The following NOP58 variants were observed in gnomAD, a reference collection of about 807,000 sequenced individuals.
NOP58 encodes nucleolar protein 58.
Under a neutral mutation model 71.2 loss-of-function variants are expected in NOP58, and 44 were observed. The observed-to-expected ratio is 0.62, with a 90% confidence interval of 0.49 to 0.79. NOP58 has a LOEUF of 0.79. Ranked by LOEUF, NOP58 falls within the 30% of genes least tolerant of loss-of-function variation. The pLI is 0.00. For synonymous variants in NOP58, 228 were observed against 200.3 expected, an observed-to-expected ratio of 1.14 and a Z score of -1.17; for missense variants, 538 against 620.2, an observed-to-expected ratio of 0.87 and a Z score of 1.41.
chr2:202,281,540 A>T (rs1315183832), intron 3 of NOP58, among the ~76,000 whole-genome samples: 2 of 152,184 alleles, frequency 1.3e-5, no homozygotes, highest in Non-Finnish European at 2.9e-5. Flanking sequence ...CCCTGGGCTC[A>T]GGTGATTGTC....
chr2:202,302,974 A>G lies in NOP58; in HGVS notation c.1456A>G (p.Lys486Glu), dbSNP rs778723374. 5.0e-6 allele frequency: 8 copies of G among 1,611,170 alleles called. No individual in the cohort carries two copies. The highest frequency in any genetic ancestry group is 3.3e-5 in the Admixed American group (2 of 60,000). The change falls in exon 14 of 15, where the codon AAG (lysine) becomes GAG (glutamate). Residue 486 changes from lysine to glutamate, a missense_variant. By Grantham distance (56) the Lys-to-Glu change is moderately conservative (BLOSUM62 1). Transcript: ENST00000264279. ...AGAAGAAGAAGAAACATCTGTGAAG[A>G]AGAAGAAGAAAAGGGGTAAAAAGAA... The part of the protein sequence containing the change: ...VAEEEETSVK[K>E]KKKRGKKKHI...
chr2:202,295,926 A>G (rs1688980063), intron 10 of NOP58, 89 bp downstream of exon 10: 1 of 979,896 alleles, frequency 1.0e-6, no homozygotes, highest in African/African-American at 1.7e-5. Flanking sequence ...TACACATTAA[A>G]TCTTCTATTG....
Position 202,274,142 on chromosome 2 carries a change from A to G in NOP58, c.46-971A>G, listed in dbSNP as rs576847183. Reference sequence around the variant, plus strand: ...CACAATTGACGATAGTTTTAGAGAAATCCATAATACTTTCATGTTAGGATG... The same window carrying G: ...CACAATTGACGATAGTTTTAGAGAAGTCCATAATACTTTCATGTTAGGATG... On this transcript the variant is annotated intron_variant, in intron 1 of 14. Transcript: ENST00000264279. 5.3e-4 allele frequency among the ~76,000 whole-genome samples: 81 copies of G among 152,346 alleles called. 1 individual carries two copies. The South Asian group carries it at 0.014, about 26-fold the overall frequency.
chr2:202,288,376 C>T (rs983515623), intron 6 of NOP58, among the ~76,000 whole-genome samples: 1 of 150,972 alleles, frequency 6.6e-6, no homozygotes. Flanking sequence ...CTCAGCTACT[C>T]GGGAGGCTGA....
intron 9 of NOP58, 113 bp from the exon 10 acceptor site, chr2:202,295,561 A>G (rs1408932533): frequency 5.5e-6 from 4 of 733,566 alleles, no homozygotes; most frequent in African/African-American, 3.5e-5. Context: ...TCTATATTAT[A>G]TGTGATTTTT....
chr2:202,284,514 T>G, intron 5 of NOP58, 33 bp downstream of exon 5: 11 of 1,607,766 alleles, frequency 6.8e-6, no homozygotes, highest in Non-Finnish European at 8.5e-6. Context: ...GTCAACTTAC[T>G]TTTATTTGAT....
intron 1 of NOP58, among the ~76,000 whole-genome samples, chr2:202,272,404 T>G (rs1688526496): frequency 6.6e-6 from 1 of 152,164 alleles, no homozygotes. Context: ...TTCGCCCGCC[T>G]CAGCCTCCCA....
In NOP58 at chr2:202,303,372, T is replaced by C; in HGVS notation, c.1540-14T>C. ...TTTCAGCTCTTTCAAAGCATTCTTG[T>C]TGGCTATTTTCAGAGTCCAGAGAAA... is the stretch of plus-strand genomic sequence containing the variant. On this transcript the variant is annotated splice_polypyrimidine_tract_variant and intron_variant, in intron 14 of 14. Coordinates refer to ENST00000264279, the MANE Select transcript of NOP58 (RefSeq NM_015934.5). 6.2e-7 allele frequency: 1 copy of C among 1,612,368 alleles called. No homozygotes were observed. The highest frequency in any genetic ancestry group is 8.5e-7 in the Non-Finnish European group (1 of 1,179,246).
intron 2 of NOP58, among the ~76,000 whole-genome samples, chr2:202,276,256 C>G (rs1688587320): frequency 6.6e-6 from 1 of 151,594 alleles, no homozygotes; most frequent in Non-Finnish European, 1.5e-5. Flanking sequence ...AGGAAAATCC[C>G]TTGAGCCTGG....
At chr2:202,281,003 T>A (rs1688692388) in intron 3 of NOP58, among the ~76,000 whole-genome samples, 4 of 152,156 alleles carry the variant, frequency 2.6e-5, no homozygotes, top group Admixed American at 2.6e-4. Context: ...ATTATCCATT[T>A]GATCATAATT....
chr2:202,292,032 G>T (rs1372558489), intron 8 of NOP58, among the ~76,000 whole-genome samples: 1 of 118,360 alleles, frequency 8.4e-6, no homozygotes, highest in African/African-American at 3.3e-5. Flanking sequence ...TGTAGCCCAG[G>T]CTGGAGTGCA....
chr2:202,275,769 A>G (rs1042125380), intron 2 of NOP58: 1 of 152,442 alleles, frequency 6.6e-6, no homozygotes, highest in African/African-American at 2.4e-5. Context: ...CCTGGGTTCA[A>G]GCTATTCTTC....
At chr2:202,273,434 G>C (rs1443286248) in intron 1 of NOP58, among the ~76,000 whole-genome samples, 2 of 151,758 alleles carry the variant, frequency 1.3e-5, no homozygotes, top group African/African-American at 4.8e-5. Context: ...TTTCAGCCAG[G>C]GTAATGATAA....
chr2:202,297,652 T>A, intron 11 of NOP58, 139 bp downstream of exon 11: 1 of 919,152 alleles, frequency 1.1e-6, no homozygotes, highest in South Asian at 1.8e-5. Flanking sequence ...TGCCTACTGT[T>A]AACAATTGCT....
At chr2:202,270,215 C>G (rs1019719730) in intron 1 of NOP58, among the ~76,000 whole-genome samples, 2 of 152,268 alleles carry the variant, frequency 1.3e-5, no homozygotes, top group South Asian at 2.1e-4. Context: ...CACTGTTCAG[C>G]TTTCTTTTTG....
intron 9 of NOP58, 147 bp downstream of exon 9, chr2:202,293,050 A>G (rs1405224820): frequency 3.5e-6 from 3 of 850,790 alleles, no homozygotes; most frequent in Non-Finnish European, 4.0e-6. Context: ...CTAAGGGCCA[A>G]GTGTTCAATG....
intron 13 of NOP58, 71 bp from the exon 14 acceptor site, chr2:202,302,850 C>A (rs1256045405): frequency 1.3e-6 from 2 of 1,510,528 alleles, no homozygotes; most frequent in East Asian, 2.3e-5. Context: ...AACTAGGACT[C>A]AAACGTTTTT....
intron 12 of NOP58, 135 bp downstream of exon 12, chr2:202,298,041 T>C: frequency 1.8e-6 from 1 of 566,160 alleles, no homozygotes; most frequent in Non-Finnish European, 3.1e-6. Flanking sequence ...AAATTGTGTA[T>C]GTTTATTGTG....
At chr2:202,277,763 C>T (rs1016692793) in intron 2 of NOP58, among the ~76,000 whole-genome samples, 187 bp from the exon 3 acceptor site, 2 of 152,100 alleles carry the variant, frequency 1.3e-5, no homozygotes, top group African/African-American at 4.8e-5. Context: ...GCATTACTAG[C>T]CTAACATTTA....
Sources: allele counts gnomAD v4.1 joint callset (sites outside exome capture counted in the v4.1 genomes callset), GRCh38; gene constraint gnomAD v4.1.1; transcripts MANE v1.5; gene names NCBI Gene and HGNC (gene_info 2026-07-23, HGNC 2026-07-21).